The following ZNF529 variants were observed in gnomAD, a reference collection of about 807,000 sequenced individuals.
ZNF529 encodes zinc finger protein 529.
Under a neutral mutation model 10.1 loss-of-function variants are expected in ZNF529, and 11 were observed. The ratio of observed to expected loss-of-function variants is 1.09; its 90% confidence interval spans 0.69 to 1.81. ZNF529 has a LOEUF of 1.81. Among genes scored for constraint, ZNF529 ranks in the 40% most tolerant of loss-of-function variants. The probability of loss-of-function intolerance (pLI) is 0.00; values close to 1 mark genes in which losing one functional copy is unlikely to be tolerated. For synonymous variants in ZNF529, 204 were observed against 215.7 expected (o/e 0.95, Z 0.47); for missense variants, 624 against 666.8 (o/e 0.94, Z 0.71).
chr19:36,565,560 G>T (rs2035865108), intron 2 of ZNF529, among the ~76,000 whole-genome samples: 1 of 152,146 alleles, frequency 6.6e-6, no homozygotes. Context: ...AATTAGCTGG[G>T]AATGGTGGCA....
intron 4 of ZNF529, chr19:36,552,016 G>C (rs1173764417): frequency 6.6e-6 from 1 of 151,864 alleles, no homozygotes; most frequent in Non-Finnish European, 1.5e-5. Flanking sequence ...CATTTTTTTT[G>C]GTCAATATAT....
intron 4 of ZNF529, among the ~76,000 whole-genome samples, chr19:36,553,202 T>C (rs1004205430): frequency 2.0e-5 from 3 of 152,188 alleles, no homozygotes; most frequent in Non-Finnish European, 4.4e-5. Context: ...CTTGGCTCAC[T>C]GCAACCTCTA....
rs1327018211 is a variant in ZNF529, at chr19:36,545,051, C to T, written c.*1815G>A. 1 of 151,296 alleles carries T rather than the reference C, an allele frequency of 6.6e-6. No homozygotes were observed. Among genetic ancestry groups the T allele is most frequent in the Non-Finnish European group, 1.5e-5 (1 of 67,986 alleles). 9.4% of individuals were successfully genotyped at this position (151,296 alleles called of 1,614,324 possible). On this transcript the variant is annotated 3_prime_UTR_variant, in exon 5 of 5. Transcript: ENST00000591340. Reference sequence around the variant, plus strand: ...CTGTCTTGGCCAACGTGGTGAAACTCCATATCTACTAAAATACAATTAGCT... The same window carrying T: ...CTGTCTTGGCCAACGTGGTGAAACTTCATATCTACTAAAATACAATTAGCT...
intron 2 of ZNF529, among the ~76,000 whole-genome samples, chr19:36,569,602 T>TAA (rs532554413): frequency 7.1e-6 from 1 of 141,332 alleles, no homozygotes; most frequent in East Asian, 2.0e-4. Flanking sequence ...CTGTCTCTAC[T>TAA]AAAAAAAAAA....
chr19:36,551,863 A>G (rs1281122971), intron 4 of ZNF529: 1 of 152,138 alleles, frequency 6.6e-6, no homozygotes, highest in Non-Finnish European at 1.5e-5. Context: ...TATGTTCTCT[A>G]CTTATCTGTT....
intron 4 of ZNF529, among the ~76,000 whole-genome samples, chr19:36,551,221 G>A (rs993835725): frequency 4.6e-5 from 7 of 152,150 alleles, no homozygotes; most frequent in East Asian, 1.9e-4. Context: ...TTTATGTACT[G>A]AAACATGCTA....
Position 36,546,045 on chromosome 19 carries a change from T to G in ZNF529, c.*821A>C, listed in dbSNP as rs1488545706. On this transcript the variant is annotated 3_prime_UTR_variant, in exon 5 of 5. Transcript: ENST00000591340. ...AGTGTATATACTATATATACATATA[T>G]TGTGTGTGTGTGTGTGTATATATAT... 1 of 140,832 alleles carries G rather than the reference T, an allele frequency of 7.1e-6. No individual in the cohort carries two copies. The highest frequency in any genetic ancestry group is 1.5e-5 in the Non-Finnish European group (1 of 65,054). The allele number at this position is 140,832 out of a possible 1,614,324, so 8.7% of individuals were successfully genotyped here.
intron 1 of ZNF529, among the ~76,000 whole-genome samples, chr19:36,591,005 G>A (rs1415666296): frequency 6.6e-6 from 1 of 151,414 alleles, no homozygotes; most frequent in East Asian, 1.9e-4. Context: ...CAAATTACAT[G>A]AAAGAACTTA....
chr19:36,599,749 G>A (rs1171650549), intron 1 of ZNF529, among the ~76,000 whole-genome samples: 2 of 152,112 alleles, frequency 1.3e-5, no homozygotes, highest in Non-Finnish European at 2.9e-5. Context: ...AGCTGGGAGG[G>A]AAAGCTATCT....
chr19:36,570,848 T>C (rs977680666), intron 2 of ZNF529, among the ~76,000 whole-genome samples: 1 of 152,216 alleles, frequency 6.6e-6, no homozygotes, highest in Admixed American at 6.5e-5. Flanking sequence ...CCCTTGCAGA[T>C]AAGGACTTAA....
chr19:36,578,534 T>G (rs2036391002), intron 2 of ZNF529, among the ~76,000 whole-genome samples: 1 of 151,590 alleles, frequency 6.6e-6, no homozygotes, highest in Non-Finnish European at 1.5e-5. Flanking sequence ...CTCGATCTCC[T>G]GACCTTGTGA....
At chr19:36,591,028 A>AT (rs1236979737) in intron 1 of ZNF529, among the ~76,000 whole-genome samples, 1 of 152,130 alleles carries the variant, frequency 6.6e-6, no homozygotes, top group Non-Finnish European at 1.5e-5. Context: ...ACTAAGGAGC[A>AT]TTTTAGATAT....
At position 36,544,712 on chromosome 19, in the gene ZNF529, C is replaced by G. The variant is rs575016329; in HGVS notation, c.*2154G>C. 6.6e-6 allele frequency: 1 copy of G among 152,204 alleles called. No homozygotes were observed. The highest frequency in any genetic ancestry group is 6.5e-5 in the Admixed American group (1 of 15,294). 9.4% of individuals were successfully genotyped at this position (152,204 alleles called of 1,614,324 possible). A position where few individuals can be genotyped will look rare whatever the true frequency, so the allele number is the denominator to read the frequency against. On this transcript the variant is annotated 3_prime_UTR_variant, in exon 5 of 5. Transcript: ENST00000591340. ...TGTTCTTACTGTGTAGGACATGAAA[C>G]AACAACCAATTACATATCTTTTAAA...
chr19:36,600,674 A>G (rs1173241557), intron 1 of ZNF529, among the ~76,000 whole-genome samples: 2 of 152,196 alleles, frequency 1.3e-5, no homozygotes, highest in Admixed American at 1.3e-4. Context: ...TCATAAAATT[A>G]GAGACTTTTG....
Position 36,587,016 on chromosome 19 carries a change from A to G in ZNF529, c.-41+2599T>C, listed in dbSNP as rs191904293. Among the ~76,000 whole-genome samples, 162 of 152,146 alleles carry G rather than the reference A, an allele frequency of 1.1e-3. 1 individual carries two copies. Among genetic ancestry groups the G allele is most frequent in the African/African-American group, 3.8e-3 (159 of 41,504 alleles). ...GTGGTGGCTCACGCCGGTAATCCCA[A>G]CACTTTGGGAGGCTGAGGCAGGTGG... is the stretch of plus-strand genomic sequence containing the variant. On this transcript the variant is annotated intron_variant, in intron 2 of 4. Coordinates refer to the ZNF529 transcript ENST00000585960.
rs2035119921 is a variant in ZNF529, at chr19:36,548,097, G to A, written c.461C>T (p.Thr154Ile). Residue 154 changes from threonine to isoleucine, a missense_variant, in exon 5 of 5, where the codon ACT becomes ATT. Physicochemically the swap from Thr to Ile is moderately conservative, Grantham distance 89. Transcript: ENST00000591340. ...CCGAGGTAAAGTAAGAGATTCATGA[G>A]TTTTGTAACTGGGCACATTTTCAGA... is the stretch of plus-strand genomic sequence containing the variant. ...IISENVPSYK[T>I]HESLTLPRRT... is the part of the protein sequence containing the mutation. 1 of 1,613,882 alleles carries A rather than the reference G, an allele frequency of 6.2e-7. No individual in the cohort carries two copies. Among genetic ancestry groups the A allele is most frequent in the Admixed American group, 1.7e-5 (1 of 60,022 alleles).
chr19:36,605,254 G>A (rs751164479), exon 1 of ZNF529: 31 of 152,220 alleles, frequency 2.0e-4, no homozygotes, highest in Admixed American at 2.6e-4. Flanking sequence ...ACCGCGCGGC[G>A]ACTAACGGGC....
At chr19:36,571,530 C>G (rs1031921782) in intron 2 of ZNF529, among the ~76,000 whole-genome samples, 1 of 151,946 alleles carries the variant, frequency 6.6e-6, no homozygotes, top group African/African-American at 2.4e-5. Context: ...CAAAAATTAG[C>G]CGGGCATGGT....
intron 3 of ZNF529, 33 bp downstream of exon 3, chr19:36,556,071 A>G: frequency 6.5e-7 from 1 of 1,547,754 alleles, no homozygotes; most frequent in Non-Finnish European, 8.7e-7. Context: ...GAAAAAGGAA[A>G]TATCACAAAG....
Sources: allele counts gnomAD v4.1 joint callset (sites outside exome capture counted in the v4.1 genomes callset), GRCh38; gene constraint gnomAD v4.1.1; transcripts MANE v1.5; gene names NCBI Gene and HGNC (gene_info 2026-07-23, HGNC 2026-07-21).